The following IFT43 variants were observed in gnomAD, a reference collection of about 807,000 sequenced individuals.
IFT43 encodes the protein intraflagellar transport protein 43 homolog.
In IFT43, 33 loss-of-function variants were observed where a neutral mutation model predicts 32.3. The observed-to-expected ratio is 1.02, with a 90% CI of 0.77 to 1.37. IFT43 has a LOEUF of 1.37. IFT43 is among the 40% of genes most tolerant of loss of function. The pLI, the probability that IFT43 is intolerant of heterozygous loss-of-function variation, is 0.00. For missense variants in IFT43, 274 were observed against 265.9 expected (o/e 1.03, Z -0.21); for synonymous variants, 93 against 98.2 (o/e 0.95, Z 0.31).
intron 2 of IFT43, chr14:76,013,771 C>A: frequency 3.2e-6 from 1 of 316,104 alleles, no homozygotes. Context: ...GAAACTAATT[C>A]TTGACTTGGC....
At chr14:76,012,527 C>CA (rs2036105343) in intron 2 of IFT43, among the ~76,000 whole-genome samples, 2 of 152,246 alleles carry the variant, frequency 1.3e-5, no homozygotes, top group African/African-American at 4.8e-5. Flanking sequence ...TCTTTACTCA[C>CA]AGTCATTCCT....
intron 2 of IFT43, among the ~76,000 whole-genome samples, chr14:75,992,503 T>G (rs1174844293): frequency 1.3e-5 from 2 of 152,226 alleles, no homozygotes. Flanking sequence ...TACTACTCAT[T>G]TATCCATAGG....
At chr14:76,082,579 G>T in intron 6 of IFT43, 38 bp from the exon 7 acceptor site, 1 of 1,613,966 alleles carries the variant, frequency 6.2e-7, no homozygotes, top group South Asian at 1.1e-5. Flanking sequence ...AACAGGTCCT[G>T]CCTGGGGTTC....
chr14:76,013,988 A>G (rs1688764796), intron 2 of IFT43: 1 of 237,020 alleles, frequency 4.2e-6, no homozygotes, highest in Non-Finnish European at 9.2e-6. Flanking sequence ...AAAACTGACC[A>G]AGTAATCCAG....
chr14:76,038,057 A>G (rs1403770205), intron 3 of IFT43: 1 of 152,168 alleles, frequency 6.6e-6, no homozygotes, highest in African/African-American at 2.4e-5. Context: ...TTGAGAATTG[A>G]TTTTTCCCTT....
At chr14:76,002,620 A>G (rs1433567947) in intron 2 of IFT43, among the ~76,000 whole-genome samples, 1 of 152,226 alleles carries the variant, frequency 6.6e-6, no homozygotes, top group Non-Finnish European at 1.5e-5. Context: ...AATAATGAGA[A>G]TAGTTGTGGA....
chr14:76,018,151 A>G (rs1026215458), intron 2 of IFT43, among the ~76,000 whole-genome samples: 6 of 146,984 alleles, frequency 4.1e-5, no homozygotes, highest in Admixed American at 4.1e-4. Flanking sequence ...TTGTTCATTC[A>G]GAATCTTTCC....
Position 76,058,450 on chromosome 14 carries a change from G to T in IFT43, c.216-192G>T, listed in dbSNP as rs79916084. ...TTTGGAGTGAGGCTGACATAAAGCT[G>T]TAAGAAGGCACTACAGCATCTTCAG... On this transcript the variant is annotated intron_variant, in intron 3 of 8. Transcript: ENST00000314067. 4,981 of 571,136 alleles carry T rather than the reference G, an allele frequency of 8.7e-3. 189 individuals are homozygous for T. The highest frequency in any genetic ancestry group is 0.083 in the African/African-American group (4,413 of 53,036). 35.4% of individuals were successfully genotyped at this position (571,136 alleles called of 1,614,324 possible).
intron 5 of IFT43, among the ~76,000 whole-genome samples, chr14:76,080,559 T>A (rs150861174): frequency 1.1e-3 from 169 of 152,256 alleles, no homozygotes; most frequent in African/African-American, 3.9e-3. Flanking sequence ...TGCATTTTCT[T>A]ACCAACTTCT....
chr14:75,986,091 C>T (rs1310211955), intron 1 of IFT43: 4 of 1,463,690 alleles, frequency 2.7e-6, no homozygotes, highest in South Asian at 1.2e-5. Context: ...CGTCTAGGAC[C>T]GTGGGAAATT....
intron 2 of IFT43, among the ~76,000 whole-genome samples, chr14:76,010,671 A>G (rs1034247526): frequency 1.3e-5 from 2 of 152,028 alleles, no homozygotes; most frequent in African/African-American, 2.4e-5. Context: ...TAGATACTTC[A>G]GCATATATCT....
chr14:76,007,861 A>G (rs1049208791), intron 2 of IFT43, among the ~76,000 whole-genome samples: 1 of 152,154 alleles, frequency 6.6e-6, no homozygotes, highest in African/African-American at 2.4e-5. Context: ...ATGACCCAAA[A>G]GGATGTAATT....
At position 76,082,617 on chromosome 14, in the gene IFT43, C is replaced by T. The variant is rs929485001; in HGVS notation, c.369C>T (p.Ser123=). ...DFVLQVAAPP[S]IQIKRVMTYR... The stretch of plus-strand genomic sequence containing the variant: ...GCCTCTCGCTCTCTCTTTCCTTCAG[C>T]ATCCAGATAAAGCGGGTGATGACCT... Residue 123 remains serine, a splice_region_variant and synonymous_variant, in exon 7 of 9, where the codon AGC becomes AGT. Coordinates refer to ENST00000314067, the MANE Select transcript of IFT43 (RefSeq NM_001102564.3). The T allele has an allele frequency of 6.2e-7, 1 of 1,614,186 alleles. No individual in the cohort carries two copies. Among genetic ancestry groups the T allele is most frequent in the Non-Finnish European group, 8.5e-7 (1 of 1,180,024 alleles).
chr14:75,986,285 A>T (rs1377207746), intron 1 of IFT43: 3 of 1,263,412 alleles, frequency 2.4e-6, no homozygotes, highest in Non-Finnish European at 3.1e-6. Context: ...GAAGGGAGGC[A>T]GGCAGGGACG....
intron 2 of IFT43, among the ~76,000 whole-genome samples, chr14:76,012,501 G>A (rs2036104762): frequency 6.6e-6 from 1 of 152,224 alleles, no homozygotes; most frequent in South Asian, 2.1e-4. Context: ...GCAACCGCCA[G>A]TCACGTGCTT....
chr14:75,999,251 A>AAATTTATTT (rs57696977), intron 2 of IFT43, among the ~76,000 whole-genome samples: 7 of 15,236 alleles, frequency 4.6e-4, no homozygotes, highest in Non-Finnish European at 5.2e-4. Flanking sequence ...ATATATATAT[A>AAATTTATTT]TATATATATA....
chr14:76,012,053 A>G (rs2036095954), intron 2 of IFT43, among the ~76,000 whole-genome samples: 1 of 152,216 alleles, frequency 6.6e-6, no homozygotes, highest in Non-Finnish European at 1.5e-5. Flanking sequence ...TGCCCCTAGA[A>G]GCTGGAAGAT....
chr14:76,017,865 T>C (rs962811736), intron 2 of IFT43, among the ~76,000 whole-genome samples: 7 of 152,140 alleles, frequency 4.6e-5, no homozygotes, highest in African/African-American at 1.7e-4. Context: ...TCTCTTATGA[T>C]CCTTTGTATT....
intron 2 of IFT43, among the ~76,000 whole-genome samples, chr14:75,991,520 A>G (rs867084153): frequency 1.3e-5 from 2 of 151,730 alleles, no homozygotes; most frequent in Non-Finnish European, 2.9e-5. Context: ...TGACCTCATT[A>G]GGCCTTGAAG....
Sources: gnomAD v4.1 joint callset for allele counts (sites outside exome capture counted in the v4.1 genomes callset) on GRCh38, gnomAD v4.1.1 for gene constraint, MANE v1.5 for transcripts, NCBI Gene and HGNC (gene_info 2026-07-23, HGNC 2026-07-21) for gene names.